Variants in CATSPERD observed in about 807,000 individuals in gnomAD.
CATSPERD encodes cation channel sperm-associated auxiliary subunit delta.
A neutral mutation model predicts 98.1 loss-of-function variants in CATSPERD; 86 were observed. That is an observed-to-expected ratio of 0.88 (90% CI 0.74 to 1.05). The LOEUF is 1.05. Among genes scored for constraint, CATSPERD ranks in the 50% least tolerant of loss-of-function variants. CATSPERD has a pLI of 0.00. For missense variants in CATSPERD, 995 were observed against 1,005.7 expected, an observed-to-expected ratio of 0.99 and a Z score of 0.14; for synonymous variants, 394 against 390.2, an observed-to-expected ratio of 1.01 and a Z score of -0.12.
chr19:5,762,320 T>TC (rs1328485326), intron 15 of CATSPERD, among the ~76,000 whole-genome samples: 1 of 151,722 alleles, frequency 6.6e-6, no homozygotes, highest in Admixed American at 6.6e-5. Flanking sequence ...CACCTCGGCC[T>TC]CCCAAAGTGC....
chr19:5,758,825 G>A (rs185526690), intron 14 of CATSPERD, among the ~76,000 whole-genome samples: 67 of 150,890 alleles, frequency 4.4e-4, no homozygotes, highest in African/African-American at 8.3e-4. Context: ...TTGGGAGGAT[G>A]AGGCAGGAGA....
At chr19:5,721,529 T>C (rs1216712208) in intron 1 of CATSPERD, among the ~76,000 whole-genome samples, 1 of 152,196 alleles carries the variant, frequency 6.6e-6, no homozygotes, top group Non-Finnish European at 1.5e-5. Flanking sequence ...TGAAACTCCG[T>C]TCCTGCCCTC....
chr19:5,744,610 A>ATT, intron 8 of CATSPERD, 100 bp downstream of exon 8: 3 of 778,234 alleles, frequency 3.9e-6, no homozygotes, highest in Non-Finnish European at 5.8e-6. Context: ...TATTTATTTA[A>ATT]TTTTTTTTTA....
chr19:5,771,542 G>A (rs1328954911), intron 19 of CATSPERD, among the ~76,000 whole-genome samples: 4 of 151,688 alleles, frequency 2.6e-5, no homozygotes, highest in African/African-American at 7.3e-5. Context: ...CCGGCCGATG[G>A]GCTTTTCTTT....
intron 16 of CATSPERD, 48 bp downstream of exon 16, chr19:5,763,341 A>C (rs975029363): frequency 2.7e-6 from 4 of 1,490,910 alleles, no homozygotes; most frequent in African/African-American, 1.4e-5. Context: ...ATAAGTGTTA[A>C]GACTCATGGA....
At chr19:5,721,282 G>A (rs969853479) in intron 1 of CATSPERD, among the ~76,000 whole-genome samples, 1 of 152,024 alleles carries the variant, frequency 6.6e-6, no homozygotes, top group Non-Finnish European at 1.5e-5. Context: ...GATTACAGGC[G>A]TGAGCCACCA....
rs767238464 is a variant in CATSPERD at position 5,733,952 on chromosome 19, T to A, written c.373T>A (p.Ser125Thr). 2 of 1,599,160 alleles carry A rather than the reference T, an allele frequency of 1.3e-6. No individual in the cohort carries two copies. Among genetic ancestry groups the A allele is most frequent in the Admixed American group, 1.7e-5 (1 of 58,306 alleles). Reference sequence around the variant, plus strand: ...CTATATTTATGATTATGAAAATAATTCTTGGAGCATGTCTTTAGGTATGTA... The same window carrying A: ...CTATATTTATGATTATGAAAATAATACTTGGAGCATGTCTTTAGGTATGTA... The part of the protein sequence containing the change: ...KVYIYDYENN[S>T]WSMSLGIKHP... The change falls in exon 5 of 22, where the codon TCT (serine) becomes ACT (threonine). Residue 125 changes from serine (S) to threonine (T), a missense_variant. By Grantham distance (58) the Ser-to-Thr change is moderately conservative. Transcript: ENST00000381624.
intron 11 of CATSPERD, among the ~76,000 whole-genome samples, chr19:5,750,360 A>G (rs941055412): frequency 2.8e-4 from 41 of 145,506 alleles, no homozygotes; most frequent in Non-Finnish European, 2.7e-4. Context: ...CTGAGGCAGG[A>G]GAATGGCGTG....
At chr19:5,760,171 C>T (rs935385415) in intron 15 of CATSPERD, among the ~76,000 whole-genome samples, 1 of 144,730 alleles carries the variant, frequency 6.9e-6, no homozygotes, top group Admixed American at 7.1e-5. Flanking sequence ...GAGGCTGAGG[C>T]GGACAGCTCA....
At chr19:5,756,570 C>T (rs764664510) in intron 13 of CATSPERD, among the ~76,000 whole-genome samples, 11 of 152,076 alleles carry the variant, frequency 7.2e-5, no homozygotes, top group Non-Finnish European at 1.3e-4. Flanking sequence ...GGGTTTTGTT[C>T]TCCTTTTAGT....
intron 12 of CATSPERD, chr19:5,753,517 A>G (rs1295047360): frequency 3.4e-6 from 1 of 293,156 alleles, no homozygotes; most frequent in Admixed American, 4.0e-5. Context: ...AGCCGAGATT[A>G]CGCCACTGCA....
rs183281724 is a variant in CATSPERD at position 5,725,441 on chromosome 19, G to C, written c.126+579G>C. Among the ~76,000 whole-genome samples, 162 of 152,040 alleles carry C rather than the reference G, an allele frequency of 1.1e-3. 1 individual carries two copies. Among genetic ancestry groups the C allele is most frequent in the African/African-American group, 3.7e-3 (154 of 41,502 alleles). ...GCTGGGATTACAGACGTTCACCACC[G>C]TGCCCAGCCTTGATGGGAGATTTTA... On this transcript the variant is annotated intron_variant, in intron 2 of 21. Coordinates refer to ENST00000381624, the MANE Select transcript of CATSPERD (RefSeq NM_152784.4).
At chr19:5,756,947 A>G (rs973498320) in intron 13 of CATSPERD, among the ~76,000 whole-genome samples, 4 of 150,284 alleles carry the variant, frequency 2.7e-5, no homozygotes, top group African/African-American at 7.4e-5. Context: ...TGCCTCCAAA[A>G]AAAATAAAAA....
intron 4 of CATSPERD, 95 bp downstream of exon 4, chr19:5,730,039 A>G: frequency 1.3e-6 from 1 of 751,734 alleles, no homozygotes; most frequent in Non-Finnish European, 2.2e-6. Flanking sequence ...TGTTTTTATT[A>G]GTTTAGAGGT....
At chr19:5,724,235 G>A (rs949064151) in intron 1 of CATSPERD, among the ~76,000 whole-genome samples, 1 of 151,686 alleles carries the variant, frequency 6.6e-6, no homozygotes, top group Non-Finnish European at 1.5e-5. Context: ...TCTAATTTTC[G>A]TATTTTCAGT....
chr19:5,728,404 A>G (rs905478628), intron 3 of CATSPERD, among the ~76,000 whole-genome samples: 1 of 151,320 alleles, frequency 6.6e-6, no homozygotes, highest in Non-Finnish European at 1.5e-5. Context: ...AGAAAAAGAA[A>G]ATTAGCTGGG....
chr19:5,729,907 C>G lies in CATSPERD; in HGVS notation c.239C>G (p.Thr80Ser), dbSNP rs1038085211. ...TTTTTCACAATGGATAACTTTGAGA[C>G]TAGTCTCCTTCCATTTACCATCCCT... The part of the protein sequence containing the change: ...QVFFTMDNFE[T>S]SLLPFTIPTS... The change falls in exon 4 of 22, where the codon ACT (threonine) becomes AGT (serine). Residue 80 changes from threonine (T) to serine (S), a missense_variant. By Grantham distance (58) the Thr-to-Ser change is moderately conservative. This residue lies in a region of CATSPERD where 228 missense variants were observed against 209.6 expected (regional missense o/e 1.09). Coordinates refer to ENST00000381624, the MANE Select transcript of CATSPERD (RefSeq NM_152784.4). 4 of 1,598,758 alleles carry G rather than the reference C, an allele frequency of 2.5e-6. No homozygotes were observed. The highest frequency in any genetic ancestry group is 3.4e-6 in the Non-Finnish European group (4 of 1,169,218).
rs1599599669 is a variant in CATSPERD at position 5,772,951 on chromosome 19, T to G, written c.1927T>G (p.Phe643Val). ...GATAAAGGAATTCGGGGGGCCCTTC[T>G]TCTGGAACAGAGAGGTAACAGGACC... ...TMIKEFGGPF[F>V]WNRENYVSCH... Residue 643 changes from phenylalanine to valine, a missense_variant, in exon 20 of 22, where the codon TTC becomes GTC. Around this residue, in one of 3 missense-constraint regions of CATSPERD, gnomAD observed 762 missense variants for 773.7 expected, o/e 0.98. Coordinates refer to ENST00000381624, the MANE Select transcript of CATSPERD (RefSeq NM_152784.4). The G allele has an allele frequency of 1.2e-6, 2 of 1,613,786 alleles. No individual in the cohort carries two copies. The highest frequency in any genetic ancestry group is 1.7e-6 in the Non-Finnish European group (2 of 1,179,910).
At chr19:5,769,093 G>A (rs1445715312) in intron 18 of CATSPERD, among the ~76,000 whole-genome samples, 2 of 151,684 alleles carry the variant, frequency 1.3e-5, no homozygotes, top group African/African-American at 4.8e-5. Context: ...GGCAGAGGTT[G>A]CAGTGAGCCA....
Sources: gnomAD v4.1 joint callset for allele counts (sites outside exome capture counted in the v4.1 genomes callset) on GRCh38, gnomAD v4.1.1 for gene constraint, gnomAD v4.1.1 regional missense constraint, MANE v1.5 for transcripts, NCBI Gene and HGNC (gene_info 2026-07-23, HGNC 2026-07-21) for gene names.